Variants in ASB7 observed in about 807,000 individuals in gnomAD.
The protein encoded by ASB7 is ankyrin repeat and SOCS box protein 7.
A neutral mutation model predicts 32.5 loss-of-function variants in ASB7; 4 were observed. The observed-to-expected ratio is 0.12, with a 90% CI of 0.06 to 0.28. ASB7 has a LOEUF of 0.28. Among genes scored for constraint, ASB7 ranks in the 10% least tolerant of loss-of-function variants. The pLI, the probability that ASB7 is intolerant of heterozygous loss-of-function variation, is 1.00. For synonymous variants in ASB7, 172 were observed against 155.6 expected (o/e 1.11, Z -0.78); for missense variants, 181 against 407.1 (o/e 0.44, Z 4.78).
At chr15:100,615,102 G>C (rs1337704942) in intron 4 of ASB7, among the ~76,000 whole-genome samples, 5 of 152,252 alleles carry the variant, frequency 3.3e-5, no homozygotes, top group African/African-American at 1.2e-4. Flanking sequence ...CCTAAGAACA[G>C]TAAGCTATAT....
intron 4 of ASB7, chr15:100,612,635 C>A: frequency 6.8e-6 from 4 of 590,940 alleles, no homozygotes; most frequent in Non-Finnish European, 1.2e-5. Flanking sequence ...GGATTCTTTT[C>A]CCTGAAACTG....
chr15:100,606,026 C>G (rs148196337), intron 2 of ASB7, among the ~76,000 whole-genome samples: 1 of 152,170 alleles, frequency 6.6e-6, no homozygotes, highest in Non-Finnish European at 1.5e-5. Context: ...TGTTGAGTGA[C>G]ACTAAAATAA....
chr15:100,624,905 A>AT (rs2039824578), intron 4 of ASB7, among the ~76,000 whole-genome samples: 1 of 151,894 alleles, frequency 6.6e-6, no homozygotes, highest in Non-Finnish European at 1.5e-5. Flanking sequence ...TTGGTGTATA[A>AT]AAAAAAATAT....
chr15:100,640,930 T>G (rs1393645648), intron 5 of ASB7, among the ~76,000 whole-genome samples: 1 of 152,262 alleles, frequency 6.6e-6, no homozygotes, highest in Non-Finnish European at 1.5e-5. Flanking sequence ...AATAACCCTT[T>G]GAACTATTAT....
chr15:100,633,329 C>T (rs1297745420), intron 5 of ASB7, among the ~76,000 whole-genome samples: 1 of 151,970 alleles, frequency 6.6e-6, no homozygotes. Context: ...GTAATCCTAG[C>T]ACTTTGGGAG....
At chr15:100,611,051 A>T (rs2039691361) in intron 3 of ASB7, among the ~76,000 whole-genome samples, 1 of 151,976 alleles carries the variant, frequency 6.6e-6, no homozygotes, top group African/African-American at 2.4e-5. Context: ...TTACTTTCTT[A>T]TTTTAATTTT....
intron 2 of ASB7, among the ~76,000 whole-genome samples, chr15:100,608,357 A>G (rs2039665753): frequency 6.6e-6 from 1 of 152,168 alleles, no homozygotes; most frequent in Non-Finnish European, 1.5e-5. Context: ...TACCTATACA[A>G]ATTATTTGGA....
intron 5 of ASB7, among the ~76,000 whole-genome samples, chr15:100,645,208 G>A (rs151291558): frequency 6.6e-6 from 1 of 152,106 alleles, no homozygotes; most frequent in East Asian, 1.9e-4. Context: ...TTTAAATAGA[G>A]AATGCAAGCC....
At chr15:100,618,358 G>A (rs1194782060) in intron 4 of ASB7, among the ~76,000 whole-genome samples, 1 of 151,752 alleles carries the variant, frequency 6.6e-6, no homozygotes, top group East Asian at 1.9e-4. Context: ...CAAGTGATCT[G>A]CCCACCTCAG....
In ASB7 at chr15:100,629,990, A is replaced by C; in HGVS notation, c.765A>C (p.Ile255=). The C allele has an allele frequency of 6.2e-7, 1 of 1,612,960 alleles. No homozygotes were observed. Among genetic ancestry groups the C allele is most frequent in the Non-Finnish European group, 8.5e-7 (1 of 1,179,092 alleles). Residue 255 remains isoleucine, a synonymous_variant, in exon 5 of 6, where the codon ATA becomes ATC. Transcript: ENST00000332783. The surrounding 1 kb of genome is among the most constrained non-coding windows in gnomAD (Gnocchi z 6.8). ...GACAGACCCCATTGGCTGTTTCAAT[A>C]AGTATTTCTGGAAGTAGTCGACCAT... The part of the protein sequence containing the change: ...YEGQTPLAVS[I]SISGSSRPCL...
chr15:100,625,743 G>C (rs1172202953), intron 4 of ASB7, among the ~76,000 whole-genome samples: 3 of 152,154 alleles, frequency 2.0e-5, no homozygotes, highest in Admixed American at 2.0e-4. Flanking sequence ...AAGAAGGCTA[G>C]AGAACTTAAG....
At chr15:100,646,386 G>A (rs561481351) in intron 5 of ASB7, 30 of 384,350 alleles carry the variant, frequency 7.8e-5, no homozygotes, top group South Asian at 2.7e-4. Context: ...GTTGGGGTGC[G>A]GTGTACTTCT....
intron 5 of ASB7, among the ~76,000 whole-genome samples, chr15:100,634,674 C>T (rs1285486960): frequency 3.9e-5 from 6 of 152,168 alleles, no homozygotes; most frequent in East Asian, 3.9e-4. Flanking sequence ...TGTGGTGGCA[C>T]GCACCTATTG....
chr15:100,624,392 G>T (rs896321773), intron 4 of ASB7, among the ~76,000 whole-genome samples: 1 of 152,148 alleles, frequency 6.6e-6, no homozygotes, highest in African/African-American at 2.4e-5. Context: ...CACATTCTGT[G>T]CATGTAATAG....
intron 5 of ASB7, among the ~76,000 whole-genome samples, chr15:100,645,116 T>G (rs1275948626): frequency 6.6e-6 from 1 of 152,218 alleles, no homozygotes; most frequent in African/African-American, 2.4e-5. Flanking sequence ...GTTTTCCAAG[T>G]ATGGTCTAGT....
chr15:100,612,798 C>T (rs1470970045), intron 4 of ASB7, among the ~76,000 whole-genome samples: 2 of 152,154 alleles, frequency 1.3e-5, no homozygotes, highest in Non-Finnish European at 2.9e-5. Flanking sequence ...ATTGCTTAAG[C>T]GTATAGACCG....
chr15:100,627,624 T>C lies in ASB7; in HGVS notation c.212-1813T>C, dbSNP rs1257415887. Among the ~76,000 whole-genome samples, 4 of 152,180 alleles carry C rather than the reference T, an allele frequency of 2.6e-5. No individual in the cohort carries two copies. In the East Asian group the frequency reaches 7.7e-4, roughly 29 times the overall value. On this transcript the variant is annotated intron_variant, in intron 4 of 5. Coordinates refer to ENST00000332783, the MANE Select transcript of ASB7 (RefSeq NM_198243.3). ...CATAGAACCTGAAAGAGACCTGAAA[T>C]GGAAACCAAAGATGCAAGTGCAGTG...
intron 4 of ASB7, among the ~76,000 whole-genome samples, chr15:100,622,221 A>AAAAAAG (rs1456971751): frequency 5.3e-5 from 8 of 152,152 alleles, no homozygotes; most frequent in African/African-American, 1.9e-4. Context: ...AAGAAAAAAA[A>AAAAAAG]CCCAACAACC....
chr15:100,648,424 A>G lies in ASB7; in HGVS notation c.919A>G (p.Met307Val). Residue 307 changes from methionine (M) to valine (V), a missense_variant, in exon 6 of 6, where the codon ATG (methionine) becomes GTG (valine). By Grantham distance (21) the Met-to-Val change is conservative (BLOSUM62 1). Transcript: ENST00000332783. ...TGATGAACTACCAATTGCCAAGGTCATGAAAGACTACTTAAAACACAAATT... is the reference window on the plus strand; with the variant it reads ...TGATGAACTACCAATTGCCAAGGTCGTGAAAGACTACTTAAAACACAAATT... ...LLDELPIAKV[M>V]KDYLKHKFDD... is the part of the protein sequence containing the mutation. The G allele has an allele frequency of 6.2e-7, 1 of 1,610,060 alleles. No homozygotes were observed. Among genetic ancestry groups the G allele is most frequent in the South Asian group, 1.1e-5 (1 of 90,894 alleles).
Sources: gnomAD v4.1 joint callset for allele counts (sites outside exome capture counted in the v4.1 genomes callset) on GRCh38, gnomAD v4.1.1 for gene constraint, Gnocchi (gnomAD v3.1) non-coding constraint, MANE v1.5 for transcripts, NCBI Gene and HGNC (gene_info 2026-07-23, HGNC 2026-07-21) for gene names.